Variants in KIF13B observed in about 807,000 individuals in gnomAD.
KIF13B encodes the protein kinesin-like protein KIF13B.
A neutral mutation model predicts 222.0 loss-of-function variants in KIF13B; 127 were observed. That is an observed-to-expected ratio of 0.57 (90% CI 0.50 to 0.66). The LOEUF (loss-of-function observed/expected upper bound fraction) is 0.66, where lower values mean the gene tolerates loss of function less well. Among genes scored for constraint, KIF13B ranks in the 30% least tolerant of loss-of-function variants. The pLI is 0.00. For missense variants in KIF13B, 2,173 were observed against 2,379.0 expected (o/e 0.91, Z 1.80); for synonymous variants, 976 against 919.0 (o/e 1.06, Z -1.12).
At chr8:29,227,652 C>A (rs534034175) in intron 2 of KIF13B, among the ~76,000 whole-genome samples, 1 of 152,112 alleles carries the variant, frequency 6.6e-6, no homozygotes, top group Non-Finnish European at 1.5e-5. Context: ...CAAAAGGTTG[C>A]GAATTTCTGC....
intron 4 of KIF13B, 48 bp downstream of exon 4, chr8:29,190,948 AC>A (rs1377424658): frequency 4.9e-6 from 7 of 1,433,886 alleles, no homozygotes; most frequent in Admixed American, 1.7e-5. Context: ...AAAATACTGA[AC>A]CCCTCTTCTA....
At chr8:29,236,133 C>CTT (rs1435879646) in intron 2 of KIF13B, among the ~76,000 whole-genome samples, 1 of 152,138 alleles carries the variant, frequency 6.6e-6, no homozygotes, top group Non-Finnish European at 1.5e-5. Flanking sequence ...GAAAAAAAGA[C>CTT]TTGATGAGAT....
chr8:29,154,567 C>T (rs1206420172), intron 14 of KIF13B, among the ~76,000 whole-genome samples: 1 of 152,110 alleles, frequency 6.6e-6, no homozygotes, highest in East Asian at 1.9e-4. Flanking sequence ...AAATCGTATC[C>T]ATGGGTTCAG....
intron 8 of KIF13B, among the ~76,000 whole-genome samples, chr8:29,179,450 G>C (rs1052014515): frequency 2.6e-5 from 4 of 152,222 alleles, no homozygotes; most frequent in Non-Finnish European, 5.9e-5. Context: ...CACGCAGTTA[G>C]CCGTCACAGT....
chr8:29,126,132 T>C (rs2129776327), intron 26 of KIF13B, among the ~76,000 whole-genome samples: 1 of 150,858 alleles, frequency 6.6e-6, no homozygotes, highest in South Asian at 2.1e-4. Flanking sequence ...ACACCTAGTG[T>C]TGACTAAAGC....
intron 1 of KIF13B, chr8:29,249,933 T>G (rs1816207138): frequency 1.3e-6 from 1 of 771,862 alleles, no homozygotes; most frequent in African/African-American, 1.8e-5. Context: ...ACAGAAATGC[T>G]GCAAGAAAGT....
intron 12 of KIF13B, among the ~76,000 whole-genome samples, chr8:29,162,317 C>CA (rs1176242758): frequency 2.0e-5 from 3 of 152,222 alleles, no homozygotes; most frequent in Non-Finnish European, 4.4e-5. Context: ...GTAATTTATA[C>CA]AATCACTGCA....
Position 29,197,552 on chromosome 8 carries a change from GT to G in KIF13B, c.150-1354del, listed in dbSNP as rs138683286. ...AATAAATACACACATACACATATAT[GT>G]TTTTTTTTCCTGAACCATTTGAGGG... On this transcript the variant is annotated intron_variant, in intron 2 of 39. Transcript: ENST00000524189. Among the ~76,000 whole-genome samples the G allele has an allele frequency of 2.0e-4, 30 of 151,022 alleles. No homozygotes were observed. In the East Asian group the frequency reaches 4.3e-3, roughly 21 times the overall value.
chr8:29,115,159 G>A (rs1411937213), intron 31 of KIF13B, among the ~76,000 whole-genome samples: 1 of 152,034 alleles, frequency 6.6e-6, no homozygotes, highest in Non-Finnish European at 1.5e-5. Context: ...TTACATCTAG[G>A]AGTCTGTCAA....
chr8:29,162,407 G>A (rs763622192), intron 12 of KIF13B, among the ~76,000 whole-genome samples: 3 of 152,272 alleles, frequency 2.0e-5, no homozygotes, highest in Admixed American at 1.3e-4. Context: ...TTCAAATCAA[G>A]TCTTTAAATC....
chr8:29,107,188 T>A (rs1809111663), intron 35 of KIF13B, among the ~76,000 whole-genome samples: 1 of 152,224 alleles, frequency 6.6e-6, no homozygotes, highest in African/African-American at 2.4e-5. Flanking sequence ...AATTTTCTTA[T>A]TCCTCCTACA....
intron 24 of KIF13B, among the ~76,000 whole-genome samples, chr8:29,127,478 T>G (rs1810165235): frequency 1.3e-5 from 2 of 152,188 alleles, no homozygotes; most frequent in Non-Finnish European, 2.9e-5. Flanking sequence ...AATAAATATA[T>G]GTTTACATAT....
intron 37 of KIF13B, among the ~76,000 whole-genome samples, chr8:29,089,468 T>C (rs1000419436): frequency 6.6e-6 from 1 of 152,068 alleles, no homozygotes; most frequent in African/African-American, 2.4e-5. Flanking sequence ...TCTGTTCACA[T>C]GTCAAACAAT....
At chr8:29,258,463 G>C (rs1816565738) in intron 1 of KIF13B, among the ~76,000 whole-genome samples, 1 of 152,178 alleles carries the variant, frequency 6.6e-6, no homozygotes, top group Non-Finnish European at 1.5e-5. Flanking sequence ...GCAAAACAGA[G>C]TGCGTGGACC....
intron 36 of KIF13B, among the ~76,000 whole-genome samples, chr8:29,096,293 C>CTTTTTTTT (rs61008499): frequency 2.6e-5 from 2 of 76,702 alleles, no homozygotes; most frequent in African/African-American, 8.4e-5. Flanking sequence ...CCAAGCTTTT[C>CTTTTTTTT]TTTTTTTTTT....
chr8:29,219,982 T>G (rs899205889), intron 2 of KIF13B, among the ~76,000 whole-genome samples: 4 of 151,980 alleles, frequency 2.6e-5, no homozygotes, highest in Admixed American at 1.3e-4. Flanking sequence ...AAGGATCACA[T>G]GAGCACAGGA....
At chr8:29,254,275 G>C (rs986609005) in intron 1 of KIF13B, among the ~76,000 whole-genome samples, 2 of 152,140 alleles carry the variant, frequency 1.3e-5, no homozygotes, top group Non-Finnish European at 2.9e-5. Context: ...GTTAGATAAT[G>C]GTTTCTCAGA....
Position 29,071,718 on chromosome 8 carries a change from ACGAACTCGCCCTCT to A in KIF13B, c.5106_5119del (p.Glu1703HisfsTer34), listed in dbSNP as rs1416593032. 1 of 1,550,198 alleles carries A rather than the reference ACGAACTCGCCCTCT, an allele frequency of 6.5e-7. No homozygotes were observed. Among genetic ancestry groups the A allele is most frequent in the Non-Finnish European group, 8.7e-7 (1 of 1,146,796 alleles). ...GCCCGTTTTGTGGGCGCCCACGGTGACGAACTCGCCCTCTCGGAGCCACTCCGGGACCTCGTCAG... is the reference window on the plus strand; with the variant it reads ...GCCCGTTTTGTGGGCGCCCACGGTGACGGAGCCACTCCGGGACCTCGTCAG... On this transcript the variant is annotated frameshift_variant, in exon 39 of 40. Coordinates refer to ENST00000524189, the MANE Select transcript of KIF13B (RefSeq NM_015254.4). LOFTEE classifies it high-confidence loss of function. The surrounding 1 kb of genome is among the most constrained non-coding windows in gnomAD (Gnocchi z 4.9).
chr8:29,114,535 T>C (rs1253119989), intron 31 of KIF13B, among the ~76,000 whole-genome samples: 1 of 152,196 alleles, frequency 6.6e-6, no homozygotes, highest in African/African-American at 2.4e-5. Context: ...ATGCTACTAT[T>C]ATCCTACCTT....
Sources: gnomAD v4.1 joint callset for allele counts (sites outside exome capture counted in the v4.1 genomes callset) on GRCh38, gnomAD v4.1.1 for gene constraint, Gnocchi (gnomAD v3.1) non-coding constraint, MANE v1.5 for transcripts, NCBI Gene and HGNC (gene_info 2026-07-23, HGNC 2026-07-21) for gene names.